GSK3B: variants seen among roughly 807,000 people sequenced by gnomAD.
GSK3B encodes the protein glycogen synthase kinase 3 beta.
Under a neutral mutation model 56.4 loss-of-function variants are expected in GSK3B, and 15 were observed. The observed-to-expected ratio is 0.27, with a 90% CI of 0.18 to 0.41. The LOEUF is 0.41. GSK3B is among the 10% of genes least tolerant of loss of function. The pLI, the probability that GSK3B is intolerant of heterozygous loss-of-function variation, is 1.00. For missense variants in GSK3B, 300 were observed against 513.4 expected (o/e 0.58, Z 4.02); for synonymous variants, 181 against 188.9 (o/e 0.96, Z 0.34).
chr3:120,040,603 C>T (rs1195641965), intron 1 of GSK3B, among the ~76,000 whole-genome samples: 1 of 151,898 alleles, frequency 6.6e-6, no homozygotes, highest in Non-Finnish European at 1.5e-5. Context: ...CTAACTAGGA[C>T]CCAACATGGG....
chr3:119,868,373 G>A (rs57265162), intron 8 of GSK3B, among the ~76,000 whole-genome samples: 2,293 of 152,270 alleles, frequency 0.015, 55 homozygotes, highest in African/African-American at 0.051. Flanking sequence ...GTCCTTAAAT[G>A]AAGAATTATT....
At chr3:119,926,441 T>A (rs2107469139) in intron 3 of GSK3B, among the ~76,000 whole-genome samples, 1 of 152,082 alleles carries the variant, frequency 6.6e-6, no homozygotes, top group East Asian at 1.9e-4. Context: ...ATCCAACCAC[T>A]CATCATCTTC....
At position 119,825,788 on chromosome 3, in the gene GSK3B, A is replaced by T; in HGVS notation, c.*1000T>A. The T allele has an allele frequency of 4.5e-6, 1 of 221,120 alleles. No individual in the cohort carries two copies. Among genetic ancestry groups the T allele is most frequent in the Non-Finnish European group, 9.0e-6 (1 of 110,540 alleles). The allele number at this position is 221,120 out of a possible 1,614,324, so 13.7% of individuals were successfully genotyped here. On this transcript the variant is annotated 3_prime_UTR_variant, in exon 11 of 11. Coordinates refer to ENST00000264235, the MANE Select transcript of GSK3B (RefSeq NM_001146156.2). The stretch of plus-strand genomic sequence containing the variant: ...GTAGATGACTGTTACAGTTCACATT[A>T]TTTAACTACAATGTCCTCTCAAGTG...
intron 3 of GSK3B, among the ~76,000 whole-genome samples, chr3:119,928,612 T>TAAAAAA (rs1160252679): frequency 2.4e-3 from 163 of 67,038 alleles, no homozygotes; most frequent in East Asian, 5.4e-3. Context: ...ATCAAAAAAA[T>TAAAAAA]AAAAAAAAAA....
chr3:119,879,523 A>T (rs1189981582), intron 7 of GSK3B, among the ~76,000 whole-genome samples: 2 of 151,930 alleles, frequency 1.3e-5, no homozygotes, highest in African/African-American at 4.8e-5. Flanking sequence ...TCTTTTAGGT[A>T]TTTTTCGATA....
chr3:119,938,181 C>A (rs2057014344), intron 3 of GSK3B, among the ~76,000 whole-genome samples: 1 of 152,060 alleles, frequency 6.6e-6, no homozygotes, highest in Admixed American at 6.5e-5. Context: ...TCAGTGGTAA[C>A]TTCTGCCAGT....
chr3:119,952,728 T>TA (rs1006770382), intron 2 of GSK3B, among the ~76,000 whole-genome samples: 27 of 150,452 alleles, frequency 1.8e-4, no homozygotes, highest in African/African-American at 5.9e-4. Context: ...AACAAAAAAT[T>TA]AAAAAAAACT....
intron 1 of GSK3B, among the ~76,000 whole-genome samples, chr3:120,052,494 C>T (rs1447908028): frequency 6.6e-6 from 1 of 152,124 alleles, no homozygotes; most frequent in Non-Finnish European, 1.5e-5. Context: ...CACAGTAACC[C>T]CCAACGCACC....
At chr3:120,092,501 T>C (rs2058521469) in intron 1 of GSK3B, among the ~76,000 whole-genome samples, 2 of 152,170 alleles carry the variant, frequency 1.3e-5, no homozygotes, top group African/African-American at 4.8e-5. Context: ...TGAACTTAAA[T>C]GTAATGAGCC....
chr3:119,981,059 C>A (rs1380524098), intron 2 of GSK3B, among the ~76,000 whole-genome samples: 3 of 152,178 alleles, frequency 2.0e-5, no homozygotes, highest in African/African-American at 7.2e-5. Flanking sequence ...CTTAGCTGGA[C>A]AACTGGCCTG....
intron 1 of GSK3B, among the ~76,000 whole-genome samples, chr3:120,019,255 G>GA (rs144832308): frequency 1.5e-4 from 22 of 148,920 alleles, no homozygotes; most frequent in South Asian, 4.3e-4. Context: ...ACCATGTTAT[G>GA]AAAAAAAAAA....
At chr3:120,024,016 G>T (rs536435343) in intron 1 of GSK3B, among the ~76,000 whole-genome samples, 1 of 152,198 alleles carries the variant, frequency 6.6e-6, no homozygotes, top group East Asian at 1.9e-4. Flanking sequence ...AACATAAATG[G>T]ACTCCAAAAA....
chr3:119,880,445 AG>A (rs1447606599), intron 7 of GSK3B, among the ~76,000 whole-genome samples: 1 of 152,186 alleles, frequency 6.6e-6, no homozygotes, highest in Non-Finnish European at 1.5e-5. Flanking sequence ...GCTGTGCAGA[AG>A]CTTTTTATCT....
At chr3:119,957,444 T>A (rs1383996957) in intron 2 of GSK3B, among the ~76,000 whole-genome samples, 1 of 152,224 alleles carries the variant, frequency 6.6e-6, no homozygotes, top group Non-Finnish European at 1.5e-5. Context: ...TGACAGGTAA[T>A]ATGACTACTA....
intron 1 of GSK3B, among the ~76,000 whole-genome samples, chr3:120,070,004 A>G (rs1256683733): frequency 2.0e-5 from 3 of 152,076 alleles, no homozygotes; most frequent in African/African-American, 7.2e-5. Context: ...CATGAGGTCA[A>G]GAGATCGAGA....
In GSK3B at chr3:119,916,153, G is replaced by C. The variant is rs201787969; in HGVS notation, c.499C>G (p.Arg167Gly). 1 of 1,603,726 alleles carries C rather than the reference G, an allele frequency of 6.2e-7. No individual in the cohort carries two copies. Among genetic ancestry groups the C allele is most frequent in the Non-Finnish European group, 8.5e-7 (1 of 1,170,890 alleles). ...AAGGAATGGATATAGGCTAAACTTC[G>C]GAACAGCTGATACATATACAACTGG... ...YVKLYMYQLF[R>G]SLAYIHSFGI... is the part of the protein sequence containing the mutation. Residue 167 changes from arginine to glycine, a missense_variant, in exon 5 of 11, where the codon CGA becomes GGA. Transcript: ENST00000264235.
intron 4 of GSK3B, among the ~76,000 whole-genome samples, chr3:119,917,671 T>TG (rs1168646378): frequency 1.7e-4 from 25 of 144,896 alleles, no homozygotes; most frequent in East Asian, 4.0e-4. Context: ...TTTTTTTTTT[T>TG]AAAAAAAAAA....
chr3:119,975,791 T>G (rs1277449267), intron 2 of GSK3B, among the ~76,000 whole-genome samples: 2 of 152,192 alleles, frequency 1.3e-5, no homozygotes, highest in Non-Finnish European at 2.9e-5. Flanking sequence ...TAATGGTATA[T>G]TGATTGTCAC....
At chr3:119,909,446 T>C (rs1187158554) in intron 6 of GSK3B, among the ~76,000 whole-genome samples, 1 of 152,234 alleles carries the variant, frequency 6.6e-6, no homozygotes, top group East Asian at 1.9e-4. Flanking sequence ...TAATTTTGGT[T>C]TCCACTTGCA....
Sources: allele counts gnomAD v4.1 joint callset (sites outside exome capture counted in the v4.1 genomes callset), GRCh38; gene constraint gnomAD v4.1.1; transcripts MANE v1.5; gene names NCBI Gene and HGNC (gene_info 2026-07-23, HGNC 2026-07-21).